The following ADAMTS9 variants were observed in gnomAD, a reference collection of about 807,000 sequenced individuals.
The protein encoded by ADAMTS9 is ADAM metallopeptidase with thrombospondin type 1 motif 9, also known as A disintegrin and metalloproteinase with thrombospondin motifs 9.
In ADAMTS9, 107 loss-of-function variants were observed where a neutral mutation model predicts 257.1. That is an observed-to-expected ratio of 0.42 (90% CI 0.36 to 0.49). The LOEUF is 0.49. Among genes scored for constraint, ADAMTS9 ranks in the 20% least tolerant of loss-of-function variants. The pLI, the probability that ADAMTS9 is intolerant of heterozygous loss-of-function variation, is 0.03. For synonymous variants in ADAMTS9, 982 were observed against 880.9 expected (o/e 1.11, Z -2.03); for missense variants, 2,353 against 2,469.1 (o/e 0.95, Z 1.00).
chr3:64,615,289 A>T, intron 21 of ADAMTS9, 32 bp downstream of exon 21: 1 of 1,607,888 alleles, frequency 6.2e-7, no homozygotes, highest in South Asian at 1.1e-5. Context: ...GTAAGAGATG[A>T]CCTAGGGGAA....
chr3:64,609,898 TCTACTGGC>T (rs1355854696), intron 22 of ADAMTS9, among the ~76,000 whole-genome samples: 1 of 152,076 alleles, frequency 6.6e-6, no homozygotes, highest in East Asian at 1.9e-4. Context: ...ATCAAAACAG[TCTACTGGC>T]ATAAGAATAG....
At chr3:64,681,452 G>C (rs1701754507) in intron 2 of ADAMTS9, 89 bp from the exon 3 acceptor site, 3 of 1,375,740 alleles carry the variant, frequency 2.2e-6, no homozygotes, top group Admixed American at 2.3e-5. Flanking sequence ...AGTAGAGATG[G>C]TGTCATTTTA....
At chr3:64,566,051 C>G (rs1448244291) in intron 29 of ADAMTS9, among the ~76,000 whole-genome samples, 1 of 152,094 alleles carries the variant, frequency 6.6e-6, no homozygotes, top group African/African-American at 2.4e-5. Flanking sequence ...AGAAATTAAA[C>G]CAATTATTTT....
At chr3:64,670,234 C>A (rs1701453123) in intron 3 of ADAMTS9, among the ~76,000 whole-genome samples, 2 of 152,194 alleles carry the variant, frequency 1.3e-5, no homozygotes, top group South Asian at 4.1e-4. Context: ...GCATTCTTAC[C>A]TATGCAGAGG....
At chr3:64,613,032 G>C (rs543189267) in intron 22 of ADAMTS9, among the ~76,000 whole-genome samples, 1 of 152,196 alleles carries the variant, frequency 6.6e-6, no homozygotes, top group South Asian at 2.1e-4. Flanking sequence ...ACAGAGGCAC[G>C]CTAGAAGATA....
chr3:64,540,996 G>T (rs950153495), intron 36 of ADAMTS9, 99 bp downstream of exon 36: 2 of 1,480,818 alleles, frequency 1.4e-6, no homozygotes, highest in Admixed American at 3.7e-5. Context: ...TGTGCAATGT[G>T]CAATACGCAC....
intron 37 of ADAMTS9, among the ~76,000 whole-genome samples, chr3:64,538,205 A>G (rs1038526705): frequency 1.3e-5 from 2 of 152,174 alleles, no homozygotes; most frequent in African/African-American, 4.8e-5. Flanking sequence ...ATCCTCTCTA[A>G]TAGGCTACAG....
At chr3:64,645,775 ATGCCT>A (rs1700771428) in intron 11 of ADAMTS9, among the ~76,000 whole-genome samples, 1 of 152,182 alleles carries the variant, frequency 6.6e-6, no homozygotes, top group Non-Finnish European at 1.5e-5. Context: ...TGCCTTGGGA[ATGCCT>A]TGAAGGCTCC....
intron 25 of ADAMTS9, among the ~76,000 whole-genome samples, chr3:64,603,540 G>A (rs2084503123): frequency 6.6e-6 from 1 of 152,054 alleles, no homozygotes; most frequent in Non-Finnish European, 1.5e-5. Context: ...GGGACCACAG[G>A]ATGCAGGAGG....
intron 28 of ADAMTS9, among the ~76,000 whole-genome samples, chr3:64,593,414 A>G (rs377035020): frequency 3.3e-5 from 5 of 152,210 alleles, no homozygotes; most frequent in African/African-American, 1.2e-4. Flanking sequence ...AGTGCAATTA[A>G]TGTATTTACA....
At position 64,594,409 on chromosome 3, in the gene ADAMTS9, A is replaced by C. The variant is rs377093804; in HGVS notation, c.4205T>G (p.Ile1402Arg). The C allele has an allele frequency of 1.2e-6, 2 of 1,614,010 alleles. No individual in the cohort carries two copies. Residue 1402 changes from isoleucine (I) to arginine (R), a missense_variant, in exon 28 of 40, where the codon ATA becomes AGA. This residue lies in a region of ADAMTS9 where 1,402 missense variants were observed against 1,441.4 expected (regional missense o/e 0.97). Coordinates refer to ENST00000498707, the MANE Select transcript of ADAMTS9 (RefSeq NM_182920.2). ...GECTKLCGGG[I>R]RTRLVVCQRS... ...CTGACAGACCACCAGTCTTGTTCTTATGCCTCCACCACACAGCTTAGTGCA... is the reference window on the plus strand; with the variant it reads ...CTGACAGACCACCAGTCTTGTTCTTCTGCCTCCACCACACAGCTTAGTGCA...
At chr3:64,551,115 G>T (rs2083266035) in intron 30 of ADAMTS9, 53 bp from the exon 31 acceptor site, 3 of 1,574,228 alleles carry the variant, frequency 1.9e-6, no homozygotes, top group Non-Finnish European at 2.6e-6. Flanking sequence ...TATATCCTAT[G>T]ACTGTAATTA....
chr3:64,575,152 C>G (rs577224692), intron 28 of ADAMTS9, among the ~76,000 whole-genome samples: 1 of 152,296 alleles, frequency 6.6e-6, no homozygotes, highest in South Asian at 2.1e-4. Context: ...TGGGTGAATG[C>G]TCTTTACACG....
intron 11 of ADAMTS9, among the ~76,000 whole-genome samples, chr3:64,646,201 T>C (rs1472571899): frequency 6.6e-6 from 1 of 152,184 alleles, no homozygotes; most frequent in African/African-American, 2.4e-5. Context: ...TTAAGTAATA[T>C]AATGGGCTGG....
At chr3:64,634,176 T>G (rs1421699565) in intron 12 of ADAMTS9, among the ~76,000 whole-genome samples, 1 of 152,146 alleles carries the variant, frequency 6.6e-6, no homozygotes, top group Non-Finnish European at 1.5e-5. Context: ...GCTTAAAATA[T>G]GAGATGCGAA....
chr3:64,628,380 T>TC (rs1346331002), intron 16 of ADAMTS9, among the ~76,000 whole-genome samples: 4 of 152,186 alleles, frequency 2.6e-5, no homozygotes, highest in Admixed American at 6.5e-5. Flanking sequence ...AATCCTTCTC[T>TC]CTTTCGAAGA....
At chr3:64,571,183 A>G (rs1345801029) in intron 28 of ADAMTS9, among the ~76,000 whole-genome samples, 1 of 152,226 alleles carries the variant, frequency 6.6e-6, no homozygotes, top group Non-Finnish European at 1.5e-5. Context: ...AGAATTGGAA[A>G]AGGTACAACT....
At chr3:64,649,033 C>G (rs1322085237) in intron 10 of ADAMTS9, among the ~76,000 whole-genome samples, 3 of 152,100 alleles carry the variant, frequency 2.0e-5, no homozygotes, top group Non-Finnish European at 4.4e-5. Flanking sequence ...ATGGGCCACC[C>G]CATAGAAACA....
rs1700376007 is a variant in ADAMTS9 at position 64,631,918 on chromosome 3, C to T, written c.2183G>A (p.Gly728Glu). 6.2e-7 allele frequency: 1 copy of T among 1,611,866 alleles called. No individual in the cohort carries two copies. Among genetic ancestry groups the T allele is most frequent in the Non-Finnish European group, 8.5e-7 (1 of 1,178,666 alleles). Reference protein sequence around the residue: ...ICVQGLCRQAGCDHVLNSKAR... With the variant: ...ICVQGLCRQAECDHVLNSKAR... Reference sequence around the variant, plus strand: ...TTTTGAGTTTAAAACATGATCGCATCCAGCTTGCTTTTAAAAAGAAAAGAT... The same window carrying T: ...TTTTGAGTTTAAAACATGATCGCATTCAGCTTGCTTTTAAAAAGAAAAGAT... The change falls in exon 15 of 40, where the codon GGA (glycine) becomes GAA (glutamate). Residue 728 changes from glycine to glutamate, a missense_variant. By Grantham distance (98) the Gly-to-Glu change is moderately conservative. Around this residue, in one of 3 missense-constraint regions of ADAMTS9, gnomAD observed 360 missense variants for 458.1 expected, o/e 0.79. Transcript: ENST00000498707.
Sources: allele counts gnomAD v4.1 joint callset (sites outside exome capture counted in the v4.1 genomes callset), GRCh38; gene constraint gnomAD v4.1.1; regional missense constraint gnomAD v4.1.1; transcripts MANE v1.5; gene names NCBI Gene and HGNC (gene_info 2026-07-23, HGNC 2026-07-21).